Variants in DYSF observed in about 807,000 individuals in gnomAD.
DYSF encodes dystrophy-associated fer-1-like 1.
Under a neutral mutation model 274.9 loss-of-function variants are expected in DYSF, and 212 were observed. The ratio of observed to expected loss-of-function variants is 0.77; its 90% CI spans 0.69 to 0.86. The LOEUF (loss-of-function observed/expected upper bound fraction) is 0.86, where lower values mean the gene tolerates loss of function less well. Among genes scored for constraint, DYSF ranks in the 40% least tolerant of loss-of-function variants. The pLI is 0.00. For missense variants in DYSF, 2,666 were observed against 2,783.2 expected, an observed-to-expected ratio of 0.96 and a Z score of 0.95; for synonymous variants, 1,091 against 1,078.7, an observed-to-expected ratio of 1.01 and a Z score of -0.22.
chr2:71,509,128 T>A (rs1428545720), intron 4 of DYSF, among the ~76,000 whole-genome samples: 1 of 152,124 alleles, frequency 6.6e-6, no homozygotes, highest in African/African-American at 2.4e-5. Context: ...AGTGCTGGGA[T>A]TACAGGCGTG....
chr2:71,671,159 A>G (rs548023913), intron 51 of DYSF, among the ~76,000 whole-genome samples: 1 of 152,324 alleles, frequency 6.6e-6, no homozygotes, highest in Non-Finnish European at 1.5e-5. Context: ...TTCTGAAACC[A>G]TGAAACAAAA....
At chr2:71,545,701 T>C (rs1163821054) in intron 17 of DYSF, among the ~76,000 whole-genome samples, 1 of 152,152 alleles carries the variant, frequency 6.6e-6, no homozygotes, top group Non-Finnish European at 1.5e-5. Flanking sequence ...TCTGACTGTT[T>C]TCCGACAGTT....
intron 36 of DYSF, among the ~76,000 whole-genome samples, chr2:71,606,120 G>A (rs2093642397): frequency 6.6e-6 from 1 of 152,176 alleles, no homozygotes; most frequent in South Asian, 2.1e-4. Flanking sequence ...CCTAGACTGG[G>A]CTGGGGGTGC....
chr2:71,470,223 T>A (rs1410340624), intron 1 of DYSF, among the ~76,000 whole-genome samples: 1 of 152,096 alleles, frequency 6.6e-6, no homozygotes, highest in Non-Finnish European at 1.5e-5. Flanking sequence ...TGGGGGTCTC[T>A]AGATTTGGGG....
chr2:71,570,608 A>G lies in DYSF; in HGVS notation c.3095A>G (p.Tyr1032Cys), dbSNP rs756328339. The G allele has an allele frequency of 9.9e-6, 16 of 1,613,810 alleles. No homozygotes were observed. The highest frequency in any genetic ancestry group is 6.6e-5 in the South Asian group (6 of 91,074). The part of the protein sequence containing the change: ...NRAVDEQGWE[Y>C]SITIPPERKP... Reference sequence around the variant, plus strand: ...GTTCCCCCTCCCCCAGGCTGGGAGTATAGCATCACCATCCCCCCGGAGCGG... The same window carrying G: ...GTTCCCCCTCCCCCAGGCTGGGAGTGTAGCATCACCATCCCCCCGGAGCGG... The change falls in exon 29 of 56, where the codon TAT becomes TGT. Residue 1032 changes from tyrosine (Y) to cysteine (C), a missense_variant. Tyr to Cys is a radical substitution (Grantham distance 194, BLOSUM62 -2). This residue lies in a region of DYSF where 1,460 missense variants were observed against 1,502.1 expected (regional missense o/e 0.97). Coordinates refer to ENST00000410020, the MANE Select transcript of DYSF (RefSeq NM_001130987.2).
intron 14 of DYSF, among the ~76,000 whole-genome samples, chr2:71,530,030 C>T (rs550735097): frequency 2.5e-4 from 36 of 142,448 alleles, no homozygotes; most frequent in Middle Eastern, 3.9e-3. Context: ...AAAATGTACA[C>T]GGGGATGTAA....
intron 22 of DYSF, among the ~76,000 whole-genome samples, chr2:71,557,405 G>A (rs2091412875): frequency 6.6e-6 from 1 of 152,240 alleles, no homozygotes; most frequent in South Asian, 2.1e-4. Context: ...GGTGGGGGAA[G>A]TGGCAGGAGA....
chr2:71,535,715 T>A (rs186970505), intron 16 of DYSF, among the ~76,000 whole-genome samples: 2 of 152,182 alleles, frequency 1.3e-5, no homozygotes, highest in African/African-American at 4.8e-5. Context: ...GGTGCTGCCC[T>A]GGGTTGGTGG....
At chr2:71,562,362 G>A (rs1486967660) in intron 23 of DYSF, among the ~76,000 whole-genome samples, 1 of 152,172 alleles carries the variant, frequency 6.6e-6, no homozygotes, top group Non-Finnish European at 1.5e-5. Flanking sequence ...TGGACCCTCT[G>A]TTTCCTGTTG....
At chr2:71,455,880 C>T (rs1236240132) in intron 1 of DYSF, among the ~76,000 whole-genome samples, 1 of 152,160 alleles carries the variant, frequency 6.6e-6, no homozygotes, top group African/African-American at 2.4e-5. Context: ...CACCCCCATA[C>T]ACTCAATACA....
chr2:71,492,709 CT>C (rs1391928589), intron 3 of DYSF, among the ~76,000 whole-genome samples: 1 of 115,046 alleles, frequency 8.7e-6, no homozygotes, highest in East Asian at 2.9e-4. Flanking sequence ...CCCCCCCCCC[CT>C]TTTCTTTCTC....
chr2:71,566,384 G>C (rs1360258994), intron 24 of DYSF, among the ~76,000 whole-genome samples: 1 of 133,384 alleles, frequency 7.5e-6, no homozygotes, highest in African/African-American at 2.8e-5. Context: ...AAAAGATATA[G>C]AATTGTTTCT....
At chr2:71,499,876 G>T (rs1202082633) in intron 3 of DYSF, among the ~76,000 whole-genome samples, 4 of 152,142 alleles carry the variant, frequency 2.6e-5, no homozygotes, top group Admixed American at 2.0e-4. Context: ...GGACCCACGG[G>T]TGTCATTTCC....
intron 43 of DYSF, among the ~76,000 whole-genome samples, chr2:71,658,516 T>C (rs1434975264): frequency 6.6e-6 from 1 of 152,184 alleles, no homozygotes; most frequent in Non-Finnish European, 1.5e-5. Flanking sequence ...GATGAAGACA[T>C]ACCCAAGACT....
chr2:71,622,126 C>CTTTTTTTTTTTTTTTTTTTTTTTTT (rs1558651607), intron 41 of DYSF, among the ~76,000 whole-genome samples: 1 of 38,746 alleles, frequency 2.6e-5, no homozygotes, highest in Non-Finnish European at 7.0e-5. Context: ...CAGATGATTT[C>CTTTTTTTTTTTTTTTTTTTTTTTTT]TTTGTTTTTT....
intron 40 of DYSF, among the ~76,000 whole-genome samples, chr2:71,618,017 GGTGT>G (rs1334037415): frequency 8.2e-6 from 1 of 121,282 alleles, no homozygotes; most frequent in African/African-American, 3.1e-5. Flanking sequence ...GTAGAGATGG[GGTGT>G]GTGTGTGTGG....
At chr2:71,618,575 G>GGGTAGAGTTGTGTGTGTGT (rs2093999225) in intron 40 of DYSF, among the ~76,000 whole-genome samples, 1 of 151,450 alleles carries the variant, frequency 6.6e-6, no homozygotes, top group Admixed American at 6.6e-5. Context: ...TGTTTGTGTG[G>GGGTAGAGTTGTGTGTGTGT]GGTAGAGTTG....
intron 39 of DYSF, 111 bp from the exon 40 acceptor site, chr2:71,613,223 T>A (rs2093806278): frequency 2.2e-6 from 2 of 905,530 alleles, no homozygotes; most frequent in Non-Finnish European, 3.6e-6. Flanking sequence ...CTGAGAAATG[T>A]GGAGAGACTG....
chr2:71,562,976 G>C (rs1378925653), intron 23 of DYSF, among the ~76,000 whole-genome samples: 3 of 152,198 alleles, frequency 2.0e-5, no homozygotes, highest in African/African-American at 7.2e-5. Context: ...TGCTGTCACT[G>C]TAAGGGCCCC....
Sources: gnomAD v4.1 joint callset for allele counts (sites outside exome capture counted in the v4.1 genomes callset) on GRCh38, gnomAD v4.1.1 for gene constraint, gnomAD v4.1.1 regional missense constraint, MANE v1.5 for transcripts, NCBI Gene and HGNC (gene_info 2026-07-23, HGNC 2026-07-21) for gene names.